COMMD10: variants seen among roughly 807,000 people sequenced by gnomAD.
The protein encoded by COMMD10 is COMM domain-containing protein 10.
In COMMD10, 33 loss-of-function variants were observed where a neutral mutation model predicts 28.9. That is an observed-to-expected ratio of 1.14 (90% CI 0.87 to 1.53). COMMD10 has a LOEUF of 1.53. Ranked by LOEUF, COMMD10 falls within the 40% of genes most tolerant of loss-of-function variation. The pLI is 0.00. For missense variants in COMMD10, 310 were observed against 233.4 expected, an observed-to-expected ratio of 1.33 and a Z score of -2.14; for synonymous variants, 110 against 81.7, an observed-to-expected ratio of 1.35 and a Z score of -1.87.
intron 5 of COMMD10, among the ~76,000 whole-genome samples, chr5:116,225,503 A>G (rs1374332852): frequency 2.6e-5 from 4 of 151,612 alleles, no homozygotes; most frequent in Non-Finnish European, 4.4e-5. Flanking sequence ...TTGGGTTGAA[A>G]CCACAAACTG....
chr5:116,216,238 C>T (rs1271081276), intron 5 of COMMD10, among the ~76,000 whole-genome samples: 1 of 152,134 alleles, frequency 6.6e-6, no homozygotes, highest in East Asian at 1.9e-4. Context: ...GGAAAAAGGA[C>T]AGACGCAAAT....
intron 5 of COMMD10, among the ~76,000 whole-genome samples, chr5:116,217,193 T>A (rs77408881): frequency 0.054 from 8,051 of 149,450 alleles, 319 homozygotes; most frequent in African/African-American, 0.12. Context: ...AATCAACCAC[T>A]CTTTTTTTTT....
chr5:116,174,213 G>C (rs1753430169), intron 5 of COMMD10, among the ~76,000 whole-genome samples: 1 of 152,092 alleles, frequency 6.6e-6, no homozygotes, highest in Non-Finnish European at 1.5e-5. Flanking sequence ...AAACAATCCA[G>C]TAAGTAAGAA....
chr5:116,131,464 A>G (rs1023317826), intron 4 of COMMD10, among the ~76,000 whole-genome samples: 4 of 151,914 alleles, frequency 2.6e-5, no homozygotes, highest in Non-Finnish European at 5.9e-5. Context: ...TATTAGCTCT[A>G]TAGGTTGCAG....
intron 4 of COMMD10, among the ~76,000 whole-genome samples, chr5:116,097,605 T>C (rs1296897370): frequency 6.6e-6 from 1 of 152,170 alleles, no homozygotes; most frequent in African/African-American, 2.4e-5. Flanking sequence ...TTCATATTAG[T>C]CCATTCTCAC....
At chr5:116,196,141 G>A (rs1462542033) in intron 5 of COMMD10, among the ~76,000 whole-genome samples, 1 of 152,170 alleles carries the variant, frequency 6.6e-6, no homozygotes. Context: ...AAACACGCAT[G>A]TTTATAACAG....
At chr5:116,282,386 G>A (rs1290260846) in intron 5 of COMMD10, among the ~76,000 whole-genome samples, 2 of 151,866 alleles carry the variant, frequency 1.3e-5, no homozygotes. Flanking sequence ...TCCATATACA[G>A]TTCAGCCAGT....
chr5:116,109,454 C>T (rs534171845), intron 4 of COMMD10, among the ~76,000 whole-genome samples: 3 of 152,152 alleles, frequency 2.0e-5, no homozygotes, highest in Non-Finnish European at 2.9e-5. Context: ...ATTAGCCAGG[C>T]GTGCTGGTGC....
At chr5:116,272,151 C>T (rs1750777064) in intron 5 of COMMD10, among the ~76,000 whole-genome samples, 2 of 151,858 alleles carry the variant, frequency 1.3e-5, no homozygotes, top group Non-Finnish European at 1.5e-5. Flanking sequence ...TAATACCAGC[C>T]ATTTAGTCCA....
At chr5:116,212,097 C>T (rs2161322) in intron 5 of COMMD10, among the ~76,000 whole-genome samples, 56,864 of 151,938 alleles carry the variant, frequency 0.37, 13,164 homozygotes, top group African/African-American at 0.66. Flanking sequence ...ATTCTTAATT[C>T]CTTCCCCTGA....
chr5:116,107,971 G>A (rs1750898655), intron 4 of COMMD10, among the ~76,000 whole-genome samples: 1 of 152,170 alleles, frequency 6.6e-6, no homozygotes, highest in Non-Finnish European at 1.5e-5. Context: ...GTCCACTCCA[G>A]ACCCTGTTTG....
Position 116,087,490 on chromosome 5 carries a change from T to TA in COMMD10, c.42-7_42-6insA. ...ATTTCAAAACTCTGTTTTATAATTT[T>TA]GTTTAGCATGAAGAAAGCAGTGTCA... On this transcript the variant is annotated splice_region_variant and splice_polypyrimidine_tract_variant and intron_variant, in intron 1 of 6. Coordinates refer to ENST00000274458, the MANE Select transcript of COMMD10 (RefSeq NM_016144.4). 6.4e-7 allele frequency: 1 copy of TA among 1,572,496 alleles called. No homozygotes were observed. The highest frequency in any genetic ancestry group is 1.3e-5 in the African/African-American group (1 of 74,240).
intron 5 of COMMD10, among the ~76,000 whole-genome samples, chr5:116,165,762 A>C (rs1352059050): frequency 6.6e-6 from 1 of 152,044 alleles, no homozygotes; most frequent in Non-Finnish European, 1.5e-5. Context: ...CTTCTTATAA[A>C]GGCACTCATC....
Position 116,256,448 on chromosome 5 carries a change from A to T in COMMD10, c.511-35069A>T, listed in dbSNP as rs577177000. 9.9e-5 allele frequency among the ~76,000 whole-genome samples: 15 copies of T among 151,832 alleles called. 2 individuals carry two copies. The highest frequency in any genetic ancestry group is 2.9e-4 in the African/African-American group (12 of 41,278). ...TTGTATTTTGGGTGCTGTAGAAATT[A>T]CCTTTCCCTTTGCATGTACGTGACA... On this transcript the variant is annotated intron_variant, in intron 5 of 6. Transcript: ENST00000274458.
In COMMD10 at chr5:116,092,569, G is replaced by A; in HGVS notation, c.268G>A (p.Ala90Thr). ...GGCAGTGTATCACAATGTGAAGCCAGCAGCTTTGCAGCAGCAATTAGAGAA... is the reference window on the plus strand; with the variant it reads ...GGCAGTGTATCACAATGTGAAGCCAACAGCTTTGCAGCAGCAATTAGAGAA... The part of the protein sequence containing the change: ...EQAVYHNVKP[A>T]ALQQQLENIH... The change falls in exon 4 of 7, where the codon GCA (alanine) becomes ACA (threonine). Residue 90 changes from alanine (A) to threonine (T), a missense_variant. Coordinates refer to ENST00000274458, the MANE Select transcript of COMMD10 (RefSeq NM_016144.4). 6.2e-7 allele frequency: 1 copy of A among 1,606,364 alleles called. No homozygotes were observed. The highest frequency in any genetic ancestry group is 8.5e-7 in the Non-Finnish European group (1 of 1,176,748).
At chr5:116,086,107 G>T (rs1750082445) in intron 1 of COMMD10, among the ~76,000 whole-genome samples, 2 of 152,170 alleles carry the variant, frequency 1.3e-5, no homozygotes, top group Middle Eastern at 3.2e-3. Flanking sequence ...GGATTCCATT[G>T]GTTACTTGGT....
chr5:116,270,088 G>A (rs1750714829), intron 5 of COMMD10, among the ~76,000 whole-genome samples: 1 of 151,796 alleles, frequency 6.6e-6, no homozygotes, highest in Non-Finnish European at 1.5e-5. Context: ...GAAGAATTAT[G>A]TTTTTGAGTA....
intron 1 of COMMD10, chr5:116,085,602 C>G (rs187524626): frequency 6.5e-6 from 1 of 153,650 alleles, no homozygotes; most frequent in Admixed American, 6.5e-5. Flanking sequence ...TCTAGCCTGG[C>G]TTTGGTAGCA....
intron 4 of COMMD10, among the ~76,000 whole-genome samples, chr5:116,102,692 G>T (rs769754374): frequency 6.6e-6 from 1 of 152,096 alleles, no homozygotes; most frequent in Non-Finnish European, 1.5e-5. Context: ...TATGTTTTAA[G>T]TTCTGGGGTA....
Sources: allele counts gnomAD v4.1 joint callset (sites outside exome capture counted in the v4.1 genomes callset), GRCh38; gene constraint gnomAD v4.1.1; transcripts MANE v1.5; gene names NCBI Gene and HGNC (gene_info 2026-07-23, HGNC 2026-07-21).